Variants in DPP6 observed in about 807,000 individuals in gnomAD.
DPP6 encodes dipeptidyl peptidase like 6.
A neutral mutation model predicts 122.6 loss-of-function variants in DPP6; 69 were observed. That is an observed-to-expected ratio of 0.56 (90% CI 0.46 to 0.69). The LOEUF (loss-of-function observed/expected upper bound fraction) is 0.69. Among genes scored for constraint, DPP6 ranks in the 30% least tolerant of loss-of-function variants. The probability of loss-of-function intolerance (pLI) is 0.00; values close to 1 mark genes in which losing one functional copy is unlikely to be tolerated. For missense variants in DPP6, 928 were observed against 1,116.9 expected (o/e 0.83, Z 2.41); for synonymous variants, 418 against 433.1 (o/e 0.97, Z 0.43).
At chr7:153,928,274 C>T (rs1321081088) in intron 1 of DPP6, among the ~76,000 whole-genome samples, 3 of 150,430 alleles carry the variant, frequency 2.0e-5, no homozygotes, top group East Asian at 2.0e-4. Context: ...TTCAGTGGCA[C>T]GATCTTGGCT....
the DPP6 span, among the ~76,000 whole-genome samples, chr7:153,874,787 C>G: frequency 1.3e-5 from 2 of 152,098 alleles, no homozygotes; most frequent in African/African-American, 4.8e-5. Flanking sequence ...GATTTAACAA[C>G]CATTTAACAC....
chr7:153,882,697 T>C (rs1291517078), upstream of DPP6, among the ~76,000 whole-genome samples: 6 of 152,224 alleles, frequency 3.9e-5, no homozygotes, highest in Non-Finnish European at 8.8e-5. Flanking sequence ...ATTAAACACA[T>C]GCCAGGAGTC....
At chr7:153,855,538 G>A in the DPP6 span, among the ~76,000 whole-genome samples, 1 of 152,096 alleles carries the variant, frequency 6.6e-6, no homozygotes, top group Non-Finnish European at 1.5e-5. Flanking sequence ...CATTAATTTT[G>A]GAAATTCTCT....
intron 5 of DPP6, among the ~76,000 whole-genome samples, chr7:154,580,705 C>T (rs1832005422): frequency 2.0e-5 from 3 of 152,060 alleles, no homozygotes; most frequent in Admixed American, 6.5e-5. Context: ...TCAGGGAAGG[C>T]CGACGGAGAA....
In DPP6 at chr7:154,893,902, G is replaced by T. The variant is rs1525752; in HGVS notation, c.*1422G>T. 0.82 allele frequency: 125,576 copies of T among 152,226 alleles called. 51,939 individuals are homozygous for T. Among genetic ancestry groups the T allele is most frequent in the African/African-American group, 0.89 (37,123 of 41,552 alleles). 9.4% of individuals were successfully genotyped at this position (152,226 alleles called of 1,614,324 possible). A position where few individuals can be genotyped will look rare whatever the true frequency, so the allele number is the denominator to read the frequency against. The stretch of plus-strand genomic sequence containing the variant: ...CAAGCTGAATGTCAGGACTGACTTC[G>T]CCAGCTCCCAGCCCTGCGGGGGTGT... On this transcript the variant is annotated 3_prime_UTR_variant, in exon 26 of 26. Coordinates refer to ENST00000377770, the MANE Select transcript of DPP6 (RefSeq NM_130797.4).
the DPP6 span, among the ~76,000 whole-genome samples, chr7:153,754,453 T>G: frequency 6.6e-6 from 1 of 152,126 alleles, no homozygotes; most frequent in Non-Finnish European, 1.5e-5. Flanking sequence ...TGTACTGTAT[T>G]ATTTTTCTTT....
At chr7:154,061,372 T>G (rs371677946) in intron 1 of DPP6, among the ~76,000 whole-genome samples, 3,386 of 140,248 alleles carry the variant, frequency 0.024, 19 homozygotes, top group African/African-American at 0.079. Context: ...AGAGAAAAGA[T>G]GGCAGCTGGA....
At chr7:153,835,582 T>C in the DPP6 span, among the ~76,000 whole-genome samples, 404 of 152,268 alleles carry the variant, frequency 2.7e-3, 4 homozygotes, top group Non-Finnish European at 2.5e-3. Context: ...GATCAGGTGC[T>C]CTACACAAGG....
chr7:154,359,306 T>C lies in DPP6; in HGVS notation c.244-86908T>C, dbSNP rs528325958. Among the ~76,000 whole-genome samples, 56 of 152,244 alleles carry C rather than the reference T, an allele frequency of 3.7e-4. No individual in the cohort carries two copies. In the South Asian group the frequency reaches 6.0e-3, roughly 16 times the overall value. ...TTCAGATTTGCCAACCCTGTTGGTG[T>C]TGGGATAAGGGTTAGAGATACAGAG... On this transcript the variant is annotated intron_variant, in intron 1 of 25. Coordinates refer to ENST00000377770, the MANE Select transcript of DPP6 (RefSeq NM_130797.4).
At chr7:153,750,013 A>G in the DPP6 span, among the ~76,000 whole-genome samples, 2 of 152,230 alleles carry the variant, frequency 1.3e-5, no homozygotes, top group African/African-American at 2.4e-5. Flanking sequence ...TTGGAAAAAT[A>G]TTCCCATTAA....
intron 7 of DPP6, among the ~76,000 whole-genome samples, chr7:154,699,783 C>A (rs1840413197): frequency 6.6e-6 from 1 of 152,196 alleles, no homozygotes; most frequent in Non-Finnish European, 1.5e-5. Flanking sequence ...TAGTTCTGCC[C>A]CTTATGGGCA....
intron 8 of DPP6, among the ~76,000 whole-genome samples, chr7:154,757,791 C>A (rs965035268): frequency 1.3e-5 from 2 of 152,216 alleles, no homozygotes; most frequent in Non-Finnish European, 2.9e-5. Flanking sequence ...TCAGGATAAT[C>A]CCTGTTACCA....
At chr7:154,476,933 A>C (rs1822793666) in intron 3 of DPP6, among the ~76,000 whole-genome samples, 1 of 152,060 alleles carries the variant, frequency 6.6e-6, no homozygotes. Context: ...CTTTATAAAA[A>C]ACTAGCCAGC....
At chr7:154,123,393 A>G (rs908063349) in intron 1 of DPP6, among the ~76,000 whole-genome samples, 1 of 152,206 alleles carries the variant, frequency 6.6e-6, no homozygotes, top group African/African-American at 2.4e-5. Context: ...TTCCACATTT[A>G]CATGAAGGTA....
At chr7:154,507,311 G>T (rs1825739110) in intron 3 of DPP6, among the ~76,000 whole-genome samples, 1 of 151,992 alleles carries the variant, frequency 6.6e-6, no homozygotes, top group Non-Finnish European at 1.5e-5. Context: ...GGATAAATGT[G>T]CAGAATGTGC....
intron 1 of DPP6, among the ~76,000 whole-genome samples, chr7:153,905,963 C>T (rs574698341): frequency 2.6e-5 from 4 of 152,182 alleles, no homozygotes; most frequent in South Asian, 2.1e-4. Context: ...GGAAGGACTT[C>T]GAATACATAA....
chr7:154,859,976 T>C (rs1240480718), intron 17 of DPP6, among the ~76,000 whole-genome samples: 1 of 152,158 alleles, frequency 6.6e-6, no homozygotes, highest in Non-Finnish European at 1.5e-5. Flanking sequence ...TGCAAGCGCA[T>C]GTGGGAGCTT....
chr7:154,842,111 A>G (rs1036518400), intron 16 of DPP6, among the ~76,000 whole-genome samples: 1 of 152,244 alleles, frequency 6.6e-6, no homozygotes, highest in Non-Finnish European at 1.5e-5. Context: ...TGAACGGGCA[A>G]ATAAAGAGAT....
At chr7:153,852,665 G>A in the DPP6 span, among the ~76,000 whole-genome samples, 1 of 152,146 alleles carries the variant, frequency 6.6e-6, no homozygotes, top group Admixed American at 6.5e-5. Context: ...AGTACACATT[G>A]TGAGCCATGA....
Sources: allele counts gnomAD v4.1 joint callset (sites outside exome capture counted in the v4.1 genomes callset), GRCh38; gene constraint gnomAD v4.1.1; transcripts MANE v1.5; gene names NCBI Gene and HGNC (gene_info 2026-07-23, HGNC 2026-07-21).